The following DCDC2 variants were observed in gnomAD, a reference collection of about 807,000 sequenced individuals.
DCDC2 encodes doublecortin domain containing 2, also known as doublecortin domain-containing protein 2.
DCDC2 carries 40 observed loss-of-function variants against 50.2 expected under a neutral mutation model. The ratio of observed to expected loss-of-function variants is 0.80; its 90% confidence interval spans 0.62 to 1.04. The LOEUF is 1.04. DCDC2 is among the 50% of genes least tolerant of loss of function. The pLI is 0.00. For missense variants in DCDC2, 570 were observed against 581.9 expected (o/e 0.98, Z 0.21); for synonymous variants, 234 against 210.6 (o/e 1.11, Z -0.96).
rs564007572 is a variant in DCDC2, at chr6:24,297,521, T to C, written c.557+4194A>G. Among the ~76,000 whole-genome samples, 18 of 152,324 alleles carry C rather than the reference T, an allele frequency of 1.2e-4. No individual in the cohort carries two copies. In the South Asian group the frequency reaches 3.3e-3, roughly 28 times the overall value. On this transcript the variant is annotated intron_variant, in intron 4 of 9. Transcript: ENST00000378454. ...TTCAAGTGTTTGAGCAACATAACTA[T>C]ACTTTCATTTCTATATTTTTACTTG...
upstream of DCDC2, among the ~76,000 whole-genome samples, chr6:24,359,048 TA>T (rs1349631373): frequency 1.4e-5 from 1 of 71,916 alleles, no homozygotes; most frequent in African/African-American, 5.9e-5. Flanking sequence ...ATATATTATA[TA>T]TTTTATATAT....
At chr6:24,217,647 G>A (rs915752807) in intron 7 of DCDC2, among the ~76,000 whole-genome samples, 1 of 152,058 alleles carries the variant, frequency 6.6e-6, no homozygotes, top group Non-Finnish European at 1.5e-5. Flanking sequence ...TCTGAGTGAG[G>A]GTGTTTTCAA....
intron 7 of DCDC2, among the ~76,000 whole-genome samples, chr6:24,205,627 C>A (rs1358115094): frequency 6.6e-6 from 1 of 151,918 alleles, no homozygotes; most frequent in Non-Finnish European, 1.5e-5. Context: ...ACCAAAAAAT[C>A]AGTATCATTT....
chr6:24,382,004 G>GC, the DCDC2 span, among the ~76,000 whole-genome samples: 2,586 of 134,400 alleles, frequency 0.019, 49 homozygotes, highest in South Asian at 0.051. Flanking sequence ...AGGAAGGAAG[G>GC]AAGGAAGGCA....
the DCDC2 span, among the ~76,000 whole-genome samples, chr6:24,382,755 C>CT: frequency 1.3e-5 from 2 of 152,152 alleles, no homozygotes; most frequent in Non-Finnish European, 2.9e-5. Flanking sequence ...GTATTCTTTT[C>CT]TTTTTTTCTC....
intron 2 of DCDC2, among the ~76,000 whole-genome samples, chr6:24,340,343 T>A (rs1219599240): frequency 6.6e-6 from 1 of 152,038 alleles, no homozygotes. Flanking sequence ...AAAATAGAAA[T>A]AACACAAGGG....
At chr6:24,301,613 G>C in intron 4 of DCDC2, 102 bp downstream of exon 4, 1 of 1,413,792 alleles carries the variant, frequency 7.1e-7, no homozygotes, top group Non-Finnish European at 9.7e-7. Flanking sequence ...GGCCTAACTG[G>C]GGAGCCAAAA....
chr6:24,326,575 T>A (rs1759872448), intron 2 of DCDC2, among the ~76,000 whole-genome samples: 1 of 149,212 alleles, frequency 6.7e-6, no homozygotes, highest in Non-Finnish European at 1.5e-5. Context: ...GCATGTATGA[T>A]GAGCGGGCAT....
intron 2 of DCDC2, among the ~76,000 whole-genome samples, chr6:24,329,786 T>G (rs900319818): frequency 2.6e-5 from 4 of 152,208 alleles, no homozygotes; most frequent in Non-Finnish European, 5.9e-5. Flanking sequence ...AGCATTTATT[T>G]TTATAATACC....
chr6:24,381,866 AAAAG>A, the DCDC2 span, among the ~76,000 whole-genome samples: 67 of 72,106 alleles, frequency 9.3e-4, no homozygotes, highest in African/African-American at 1.7e-3. Context: ...AAGGAGAAAT[AAAAG>A]AAAGAAAGAG....
chr6:24,208,801 T>C (rs1250443452), intron 7 of DCDC2, among the ~76,000 whole-genome samples: 1 of 152,266 alleles, frequency 6.6e-6, no homozygotes, highest in Non-Finnish European at 1.5e-5. Flanking sequence ...CCACAATTTT[T>C]GTCCTGTGCC....
At chr6:24,263,087 T>C (rs1763047390) in intron 7 of DCDC2, among the ~76,000 whole-genome samples, 1 of 152,242 alleles carries the variant, frequency 6.6e-6, no homozygotes, top group African/African-American at 2.4e-5. Context: ...TGCCTGGTAA[T>C]GCAGGGAATT....
chr6:24,233,519 C>T (rs1481072518), intron 7 of DCDC2, among the ~76,000 whole-genome samples: 1 of 152,088 alleles, frequency 6.6e-6, no homozygotes, highest in Non-Finnish European at 1.5e-5. Flanking sequence ...TAAAATATCA[C>T]AGAGTAGTCA....
At chr6:24,359,207 T>TATATATTATATATATTG (rs1760587766), upstream of DCDC2, among the ~76,000 whole-genome samples, 1 of 71,450 alleles carries the variant, frequency 1.4e-5, no homozygotes, top group African/African-American at 5.9e-5. Flanking sequence ...TATATATATT[T>TATATATTATATATATTG]TATATATTAT....
intron 8 of DCDC2, among the ~76,000 whole-genome samples, chr6:24,202,942 C>T (rs1761620466): frequency 1.3e-5 from 2 of 152,112 alleles, no homozygotes; most frequent in African/African-American, 2.4e-5. Context: ...TGTGAAGGCC[C>T]TCTTCAAGGG....
chr6:24,352,066 C>T (rs542462853), intron 2 of DCDC2, among the ~76,000 whole-genome samples: 23 of 151,956 alleles, frequency 1.5e-4, no homozygotes, highest in East Asian at 3.9e-4. Context: ...ATCGAGCCAC[C>T]GCACTCCAGC....
chr6:24,362,527 A>G (rs1041076302), upstream of DCDC2, among the ~76,000 whole-genome samples: 23 of 147,612 alleles, frequency 1.6e-4, no homozygotes, highest in Non-Finnish European at 7.4e-5. Flanking sequence ...TTAATTGTAT[A>G]TTTATACAAT....
intron 7 of DCDC2, among the ~76,000 whole-genome samples, chr6:24,213,422 A>G (rs1399910341): frequency 6.6e-6 from 1 of 152,174 alleles, no homozygotes; most frequent in African/African-American, 2.4e-5. Flanking sequence ...GGGAACAAGG[A>G]GTTTATGACA....
chr6:24,241,220 T>C (rs776446820), intron 7 of DCDC2, among the ~76,000 whole-genome samples: 7 of 152,212 alleles, frequency 4.6e-5, no homozygotes, highest in African/African-American at 1.2e-4. Context: ...TGTTTTACTC[T>C]GTAGTTCTCT....
Sources: gnomAD v4.1 joint callset for allele counts (sites outside exome capture counted in the v4.1 genomes callset) on GRCh38, gnomAD v4.1.1 for gene constraint, MANE v1.5 for transcripts, NCBI Gene and HGNC (gene_info 2026-07-23, HGNC 2026-07-21) for gene names.